The following CCDC6 variants were observed in gnomAD, a reference collection of about 807,000 sequenced individuals.
CCDC6 encodes the protein coiled-coil domain-containing protein 6.
In CCDC6, 20 loss-of-function variants were observed where a neutral mutation model predicts 56.6. The observed-to-expected ratio is 0.35, with a 90% CI of 0.25 to 0.51. The LOEUF (loss-of-function observed/expected upper bound fraction) is 0.51, where lower values mean the gene tolerates loss of function less well. CCDC6 is among the 20% of genes least tolerant of loss of function. The pLI is 0.95. For synonymous variants in CCDC6, 241 were observed against 234.4 expected (o/e 1.03, Z -0.26); for missense variants, 367 against 601.1 (o/e 0.61, Z 4.07).
intron 1 of CCDC6, among the ~76,000 whole-genome samples, chr10:59,856,713 A>G (rs2071083269): frequency 6.6e-6 from 1 of 152,184 alleles, no homozygotes; most frequent in Non-Finnish European, 1.5e-5. Context: ...TACCTCATGA[A>G]ATCTCATTAT....
intron 1 of CCDC6, among the ~76,000 whole-genome samples, chr10:59,859,252 A>C (rs2071107144): frequency 6.7e-6 from 1 of 149,712 alleles, no homozygotes; most frequent in African/African-American, 2.5e-5. Flanking sequence ...AGGTAAAAGA[A>C]TCTCATGTTG....
At chr10:59,856,123 G>T (rs895640921) in intron 1 of CCDC6, among the ~76,000 whole-genome samples, 1 of 152,122 alleles carries the variant, frequency 6.6e-6, no homozygotes, top group Non-Finnish European at 1.5e-5. Flanking sequence ...TAATCACAGG[G>T]CTCCTTTAGC....
chr10:59,884,259 T>A (rs2132677446), intron 1 of CCDC6, among the ~76,000 whole-genome samples: 1 of 152,172 alleles, frequency 6.6e-6, no homozygotes, highest in South Asian at 2.1e-4. Flanking sequence ...AATAAGATGT[T>A]CCCTGCTACA....
intron 1 of CCDC6, among the ~76,000 whole-genome samples, chr10:59,854,198 T>C (rs2071061936): frequency 6.6e-6 from 1 of 152,084 alleles, no homozygotes; most frequent in Non-Finnish European, 1.5e-5. Flanking sequence ...GCTCCGACAA[T>C]CAATCCCAAC....
Position 59,791,504 on chromosome 10 carries a change from G to C in CCDC6, c.*1413C>G, listed in dbSNP as rs973422013. On this transcript the variant is annotated 3_prime_UTR_variant, in exon 9 of 9. Transcript: ENST00000263102. ...TAATAAAGAGTTGGCTATTAGAGAT[G>C]GTTGTCACAAAACATGGACTCTTAA... is the stretch of plus-strand genomic sequence containing the variant. The C allele has an allele frequency of 5.1e-6, 1 of 195,228 alleles. No individual in the cohort carries two copies. The highest frequency in any genetic ancestry group is 1.1e-5 in the Non-Finnish European group (1 of 93,724). 12.1% of individuals were successfully genotyped at this position (195,228 alleles called of 1,614,324 possible).
At chr10:59,877,093 T>A (rs117566448) in intron 1 of CCDC6, among the ~76,000 whole-genome samples, 2,549 of 152,332 alleles carry the variant, frequency 0.017, 30 homozygotes, top group Middle Eastern at 0.044. Context: ...TATTTTAATC[T>A]TAAGGGACGA....
At chr10:59,882,821 G>A (rs889999363) in intron 1 of CCDC6, among the ~76,000 whole-genome samples, 10 of 152,076 alleles carry the variant, frequency 6.6e-5, no homozygotes, top group South Asian at 2.1e-4. Flanking sequence ...TTAGCCGGGC[G>A]TGGTGGCGCG....
At chr10:59,889,221 C>T (rs1214904037) in intron 1 of CCDC6, among the ~76,000 whole-genome samples, 1 of 152,166 alleles carries the variant, frequency 6.6e-6, no homozygotes, top group African/African-American at 2.4e-5. Flanking sequence ...GCATTCCCTG[C>T]AGGAAAATGT....
intron 1 of CCDC6, among the ~76,000 whole-genome samples, chr10:59,869,388 G>A: frequency 2.4e-4 from 1 of 4,156 alleles, no homozygotes; most frequent in Non-Finnish European, 5.2e-4. Context: ...ACTTGCTCAG[G>A]CAAAAAAAAA....
chr10:59,899,972 G>A (rs1404759338), intron 1 of CCDC6, among the ~76,000 whole-genome samples: 1 of 152,196 alleles, frequency 6.6e-6, no homozygotes, highest in Non-Finnish European at 1.5e-5. Context: ...TGCTGTTGTG[G>A]CAGGGGAGTG....
At chr10:59,841,739 C>T (rs1157378163) in intron 2 of CCDC6, among the ~76,000 whole-genome samples, 1 of 151,612 alleles carries the variant, frequency 6.6e-6, no homozygotes, top group East Asian at 1.9e-4. Context: ...GTGATCTCGG[C>T]TCACTGCAAG....
chr10:59,804,374 A>G lies in CCDC6; in HGVS notation c.1105+46T>C, dbSNP rs773847201. 4.4e-6 allele frequency: 5 copies of G among 1,127,182 alleles called. No individual in the cohort carries two copies. In the African/African-American group the frequency reaches 7.6e-5, roughly 17 times the overall value. The allele number at this position is 1,127,182 out of a possible 1,614,324, so 69.8% of individuals were successfully genotyped here. A position where few individuals can be genotyped will look rare whatever the true frequency, so the allele number is the denominator to read the frequency against. On this transcript the variant is annotated intron_variant, in intron 7 of 8. Coordinates refer to ENST00000263102, the MANE Select transcript of CCDC6 (RefSeq NM_005436.5). ...GAACACAGTCAGGGTTGCCTATTCAATGTGCCAGGAATCAGTCACTGAAAT... is the reference window on the plus strand; with the variant it reads ...GAACACAGTCAGGGTTGCCTATTCAGTGTGCCAGGAATCAGTCACTGAAAT...
At chr10:59,794,736 A>C (rs1418120841) in intron 7 of CCDC6, 139 bp from the exon 8 acceptor site, 1 of 666,584 alleles carries the variant, frequency 1.5e-6, no homozygotes, top group East Asian at 2.8e-5. Context: ...GGGCTCACTA[A>C]ATGGTGTGGA....
chr10:59,793,343 T>C (rs961919652), intron 8 of CCDC6, among the ~76,000 whole-genome samples: 8 of 152,240 alleles, frequency 5.3e-5, no homozygotes, highest in Admixed American at 1.3e-4. Context: ...ACAACTTGTG[T>C]TGAACAAACT....
chr10:59,789,787 A>T lies in CCDC6; in HGVS notation c.*3130T>A, dbSNP rs1378154536. On this transcript the variant is annotated 3_prime_UTR_variant, in exon 9 of 9. Coordinates refer to ENST00000263102, the MANE Select transcript of CCDC6 (RefSeq NM_005436.5). ...GCCTTATTGGGCATTCTCTAAAAGC[A>T]AGGCTTTGTGCAGGAAAAGTTCATG... 4.5e-6 allele frequency: 1 copy of T among 220,520 alleles called. No homozygotes were observed. The allele number at this position is 220,520 out of a possible 1,614,324, so 13.7% of individuals were successfully genotyped here. A position where few individuals can be genotyped will look rare whatever the true frequency, so the allele number is the denominator to read the frequency against.
At chr10:59,809,385 T>C (rs1194754271) in intron 5 of CCDC6, among the ~76,000 whole-genome samples, 3 of 152,134 alleles carry the variant, frequency 2.0e-5, no homozygotes, top group Non-Finnish European at 4.4e-5. Flanking sequence ...CCTTAAACAA[T>C]ATATCTATAG....
At chr10:59,804,985 C>T in intron 6 of CCDC6, 1 of 165,928 alleles carries the variant, frequency 6.0e-6, no homozygotes, top group Non-Finnish European at 1.3e-5. Flanking sequence ...AACTGAGTAT[C>T]AACTGTTTAC....
At chr10:59,882,522 G>GAAAGGAAAGCCGGC (rs1564756138) in intron 1 of CCDC6, among the ~76,000 whole-genome samples, 5 of 4,212 alleles carry the variant, frequency 1.2e-3, no homozygotes, top group Admixed American at 2.5e-3. Flanking sequence ...GGAAAGCCAG[G>GAAAGGAAAGCCGGC]GGGAGAAGGA....
At chr10:59,795,553 A>T (rs1032641804) in intron 7 of CCDC6, among the ~76,000 whole-genome samples, 1 of 151,628 alleles carries the variant, frequency 6.6e-6, no homozygotes, top group Non-Finnish European at 1.5e-5. Context: ...TACATGTGCC[A>T]TGCTGGTGTG....
Sources: allele counts gnomAD v4.1 joint callset (sites outside exome capture counted in the v4.1 genomes callset), GRCh38; gene constraint gnomAD v4.1.1; transcripts MANE v1.5; gene names NCBI Gene and HGNC (gene_info 2026-07-23, HGNC 2026-07-21).